CPD: variants seen among roughly 807,000 people sequenced by gnomAD.
CPD encodes the protein carboxypeptidase D, also known as metallocarboxypeptidase D.
In CPD, 69 loss-of-function variants were observed where a neutral mutation model predicts 138.3. The ratio of observed to expected loss-of-function variants is 0.50; its 90% CI spans 0.41 to 0.61. The LOEUF (loss-of-function observed/expected upper bound fraction) is 0.61, where lower values mean the gene tolerates loss of function less well. Among genes scored for constraint, CPD ranks in the 20% least tolerant of loss-of-function variants. The pLI is 0.00. For synonymous variants in CPD, 651 were observed against 642.1 expected, an observed-to-expected ratio of 1.01 and a Z score of -0.21; for missense variants, 1,432 against 1,733.3, an observed-to-expected ratio of 0.83 and a Z score of 3.09.
chr17:30,456,865 AAAAAG>A (rs1323024818), intron 17 of CPD: 2 of 211,710 alleles, frequency 9.4e-6, no homozygotes, highest in African/African-American at 4.7e-5. Flanking sequence ...AAAAAAAAAA[AAAAAG>A]AATGGAGTTT....
At chr17:30,396,827 C>T (rs1303888791) in intron 2 of CPD, among the ~76,000 whole-genome samples, 3 of 151,860 alleles carry the variant, frequency 2.0e-5, no homozygotes, top group African/African-American at 7.3e-5. Flanking sequence ...ATTTCCTCTT[C>T]CTTTCTTTCC....
chr17:30,388,453 G>A (rs1911256116), intron 2 of CPD, among the ~76,000 whole-genome samples: 2 of 152,216 alleles, frequency 1.3e-5, no homozygotes, highest in African/African-American at 2.4e-5. Flanking sequence ...TTCCATGCTT[G>A]TCAGTGCCCA....
chr17:30,462,157 A>G (rs1376683031), intron 19 of CPD, 95 bp downstream of exon 19: 3 of 1,249,808 alleles, frequency 2.4e-6, no homozygotes, highest in Non-Finnish European at 3.3e-6. Flanking sequence ...CTTGAAGGGA[A>G]TAAAGAAATT....
At chr17:30,431,948 T>A (rs1220356890) in intron 8 of CPD, 67 bp downstream of exon 8, 1 of 1,121,186 alleles carries the variant, frequency 8.9e-7, no homozygotes, top group Non-Finnish European at 1.3e-6. Context: ...TGCTTTAAAG[T>A]CCTGCAAGAC....
chr17:30,406,233 A>C (rs1302756487), intron 2 of CPD, among the ~76,000 whole-genome samples: 2 of 152,018 alleles, frequency 1.3e-5, no homozygotes, highest in Admixed American at 6.6e-5. Flanking sequence ...TTTCCATTAG[A>C]TTTTACACTG....
At chr17:30,424,390 G>A (rs1912346643) in intron 6 of CPD, among the ~76,000 whole-genome samples, 1 of 152,156 alleles carries the variant, frequency 6.6e-6, no homozygotes, top group South Asian at 2.1e-4. Flanking sequence ...CAAAAGAGAG[G>A]AGGCATAATG....
At chr17:30,452,149 C>T (rs577096432) in intron 14 of CPD, among the ~76,000 whole-genome samples, 6 of 152,258 alleles carry the variant, frequency 3.9e-5, no homozygotes, top group East Asian at 3.9e-4. Flanking sequence ...TGTGTATACA[C>T]GCACAACACA....
chr17:30,457,982 C>T (rs1438598599), intron 17 of CPD, among the ~76,000 whole-genome samples: 4 of 152,170 alleles, frequency 2.6e-5, no homozygotes, highest in African/African-American at 9.6e-5. Flanking sequence ...CACCTGAGGT[C>T]AGGAGTTTGA....
At chr17:30,391,129 C>T (rs1049964195) in intron 2 of CPD, among the ~76,000 whole-genome samples, 7 of 112,452 alleles carry the variant, frequency 6.2e-5, no homozygotes, top group African/African-American at 1.4e-4. Context: ...CGTGCCTGGC[C>T]GCCTTTTTTT....
chr17:30,382,930 T>G (rs932783850), intron 1 of CPD, among the ~76,000 whole-genome samples: 39 of 152,216 alleles, frequency 2.6e-4, no homozygotes, highest in Non-Finnish European at 4.7e-4. Context: ...TGGCAAATAG[T>G]TGACACTCAA....
At chr17:30,411,669 T>C (rs1781334302) in intron 2 of CPD, among the ~76,000 whole-genome samples, 1 of 152,248 alleles carries the variant, frequency 6.6e-6, no homozygotes, top group Non-Finnish European at 1.5e-5. Context: ...AGCTTGTGCA[T>C]GCGTCATGAA....
chr17:30,436,858 G>A (rs1296531499), intron 8 of CPD, among the ~76,000 whole-genome samples: 1 of 152,110 alleles, frequency 6.6e-6, no homozygotes, highest in Non-Finnish European at 1.5e-5. Context: ...CCAAATGGAA[G>A]CAACCAAAAT....
At chr17:30,445,397 G>A (rs568233150) in intron 11 of CPD, among the ~76,000 whole-genome samples, 16 of 152,050 alleles carry the variant, frequency 1.1e-4, no homozygotes, top group Admixed American at 3.3e-4. Flanking sequence ...CCCAGGAGGC[G>A]GAGGTTGCAG....
chr17:30,427,489 C>A lies in CPD; in HGVS notation c.1948C>A (p.Pro650Thr), dbSNP rs1330476582. 1 of 1,614,104 alleles carries A rather than the reference C, an allele frequency of 6.2e-7. No homozygotes were observed. The highest frequency in any genetic ancestry group is 8.5e-7 in the Non-Finnish European group (1 of 1,180,000). Reference protein sequence around the residue: ...QFVQITDPTQPETIAVMSWMK... With the variant: ...QFVQITDPTQTETIAVMSWMK... ...TGTTCAGATCACAGATCCTACGCAACCAGAAACTATTGCTGTAATGAGCTG... is the reference window on the plus strand; with the variant it reads ...TGTTCAGATCACAGATCCTACGCAAACAGAAACTATTGCTGTAATGAGCTG... The change falls in exon 7 of 21, where the codon CCA becomes ACA. Residue 650 changes from proline (P) to threonine (T), a missense_variant. This residue lies in a region of CPD where 297 missense variants were observed against 405.3 expected (regional missense o/e 0.73). Transcript: ENST00000225719.
At chr17:30,398,283 C>T (rs1045622068) in intron 2 of CPD, among the ~76,000 whole-genome samples, 2 of 151,794 alleles carry the variant, frequency 1.3e-5, no homozygotes, top group Non-Finnish European at 2.9e-5. Context: ...AATAGAAACT[C>T]GCTTATTTAT....
At chr17:30,409,252 G>A (rs185578726) in intron 2 of CPD, among the ~76,000 whole-genome samples, 48 of 152,182 alleles carry the variant, frequency 3.2e-4, no homozygotes, top group African/African-American at 8.9e-4. Context: ...TTCTGGATTC[G>A]GTTTTCCATT....
At chr17:30,452,167 G>A (rs1913182734) in intron 14 of CPD, among the ~76,000 whole-genome samples, 1 of 152,120 alleles carries the variant, frequency 6.6e-6, no homozygotes, top group Admixed American at 6.5e-5. Flanking sequence ...ACACACGTAT[G>A]TATATTGATT....
At chr17:30,415,130 A>G (rs769192733) in intron 2 of CPD, among the ~76,000 whole-genome samples, 1 of 152,136 alleles carries the variant, frequency 6.6e-6, no homozygotes, top group Non-Finnish European at 1.5e-5. Flanking sequence ...TATCTCCCTG[A>G]TTTCTCAAGC....
intron 2 of CPD, among the ~76,000 whole-genome samples, chr17:30,408,000 G>A (rs1361577994): frequency 6.6e-6 from 1 of 152,174 alleles, no homozygotes; most frequent in Non-Finnish European, 1.5e-5. Context: ...TGTATGAGGT[G>A]TAAGGAAGGG....
Sources: allele counts gnomAD v4.1 joint callset (sites outside exome capture counted in the v4.1 genomes callset), GRCh38; gene constraint gnomAD v4.1.1; regional missense constraint gnomAD v4.1.1; transcripts MANE v1.5; gene names NCBI Gene and HGNC (gene_info 2026-07-23, HGNC 2026-07-21).